XIRP2: variants seen among roughly 807,000 people sequenced by gnomAD.
XIRP2 encodes xin actin binding repeat containing 2.
In XIRP2, 236 loss-of-function variants were observed where a neutral mutation model predicts 277.0. The observed-to-expected ratio is 0.85, with a 90% confidence interval of 0.77 to 0.95. The LOEUF is 0.95. Among genes scored for constraint, XIRP2 ranks in the 40% least tolerant of loss-of-function variants. The probability of loss-of-function intolerance (pLI) is 0.00; values close to 1 mark genes in which losing one functional copy is unlikely to be tolerated. For synonymous variants in XIRP2, 1,490 were observed against 1,416.5 expected, an observed-to-expected ratio of 1.05 and a Z score of -1.17; for missense variants, 4,640 against 4,157.5, an observed-to-expected ratio of 1.12 and a Z score of -3.19.
Position 167,248,662 on chromosome 2 carries a change from T to C in XIRP2, c.7270T>C (p.Leu2424=), listed in dbSNP as rs777795158. 1 of 1,613,690 alleles carries C rather than the reference T, an allele frequency of 6.2e-7. No individual in the cohort carries two copies. The highest frequency in any genetic ancestry group is 1.1e-5 in the South Asian group (1 of 91,060). Residue 2424 remains leucine, a synonymous_variant, in exon 9 of 11, where the codon TTG becomes CTG. Coordinates refer to ENST00000409195, the MANE Select transcript of XIRP2 (RefSeq NM_152381.6). ...AACCGGTGTGTTGCCACCTCCCACA[T>C]TGCCCAAACCCAAACTTCCCAAGCA... ...GKTGVLPPPT[L]PKPKLPKHIK...
At chr2:167,051,398 T>C (rs12993836) in intron 2 of XIRP2, among the ~76,000 whole-genome samples, 29,144 of 152,118 alleles carry the variant, frequency 0.19, 2,984 homozygotes, top group Middle Eastern at 0.35. Context: ...AATAATACTA[T>C]TCAACAAATA....
chr2:166,939,186 T>A (rs2105378986), intron 2 of XIRP2, among the ~76,000 whole-genome samples: 1 of 152,338 alleles, frequency 6.6e-6, no homozygotes, highest in East Asian at 1.9e-4. Context: ...CTTCCTAGCA[T>A]CGATGGTCTT....
At position 167,214,153 on chromosome 2, in the gene XIRP2, A is replaced by G. The variant is rs1192926864; in HGVS notation, c.723+3258A>G. Among the ~76,000 whole-genome samples, 192 of 100,166 alleles carry G rather than the reference A, an allele frequency of 1.9e-3. 1 individual carries two copies. Among genetic ancestry groups the G allele is most frequent in the East Asian group, 2.4e-3 (8 of 3,334 alleles). The allele number at this position is 100,166 out of a possible 152,430, so 65.7% of individuals were successfully genotyped here. A position where few individuals can be genotyped will look rare whatever the true frequency, so the allele number is the denominator to read the frequency against. On this transcript the variant is annotated intron_variant, in intron 4 of 10. Coordinates refer to ENST00000409195, the MANE Select transcript of XIRP2 (RefSeq NM_152381.6). ...AGGAAGGAAGCAAAGAGAAAGAGAA[A>G]GAAGGAAAGAAAGAGAAAGAAGGAA...
chr2:166,953,281 C>T (rs993062313), intron 2 of XIRP2, among the ~76,000 whole-genome samples: 6 of 151,814 alleles, frequency 4.0e-5, no homozygotes, highest in African/African-American at 9.7e-5. Flanking sequence ...ATAATTCCCT[C>T]GTGTGGTGGG....
chr2:167,000,960 T>C (rs925115651), intron 2 of XIRP2, among the ~76,000 whole-genome samples: 1 of 152,150 alleles, frequency 6.6e-6, no homozygotes, highest in African/African-American at 2.4e-5. Flanking sequence ...GGCAGTAGGA[T>C]AGCTCGAGAC....
At chr2:167,065,396 T>C (rs1397051027) in intron 2 of XIRP2, among the ~76,000 whole-genome samples, 2 of 151,918 alleles carry the variant, frequency 1.3e-5, no homozygotes, top group African/African-American at 2.4e-5. Flanking sequence ...GAGTTCTTTA[T>C]ATATACTGGA....
chr2:166,916,766 T>C (rs1052498389), intron 2 of XIRP2, among the ~76,000 whole-genome samples: 1 of 152,182 alleles, frequency 6.6e-6, no homozygotes, highest in African/African-American at 2.4e-5. Flanking sequence ...ACTTAACATT[T>C]GATGACAAAA....
intron 2 of XIRP2, among the ~76,000 whole-genome samples, chr2:167,053,344 G>T (rs1406794123): frequency 6.6e-6 from 1 of 152,022 alleles, no homozygotes; most frequent in South Asian, 2.1e-4. Flanking sequence ...TCGATATATA[G>T]CTTAGTTCTT....
In XIRP2 at chr2:167,066,253, T is replaced by C. The variant is rs551955528; in HGVS notation, c.409-69656T>C. On this transcript the variant is annotated intron_variant, in intron 2 of 10. Transcript: ENST00000409195. Reference sequence around the variant, plus strand: ...CATTTTTCCCTTCTCCTTGTTGCTCTCAACCACCATTCTAGTTGCTGCTTC... The same window carrying C: ...CATTTTTCCCTTCTCCTTGTTGCTCCCAACCACCATTCTAGTTGCTGCTTC... Among the ~76,000 whole-genome samples the C allele has an allele frequency of 7.9e-5, 12 of 152,124 alleles. 1 individual carries two copies. The East Asian group carries it at 2.3e-3, about 29-fold the overall frequency.
Position 167,243,225 on chromosome 2 carries a change from T to C in XIRP2, c.1833T>C (p.Gly611=), listed in dbSNP as rs1695129875. The C allele has an allele frequency of 1.2e-6, 2 of 1,614,074 alleles. No homozygotes were observed. Among genetic ancestry groups the C allele is most frequent in the Non-Finnish European group, 1.7e-6 (2 of 1,179,986 alleles). ...TTGCTGATCAAGAAATCATTGCTGG[T>C]GGTGATGTGAAATATACCACATGGA... The part of the protein sequence containing the change: ...RGIADQEIIA[G]GDVKYTTWMF... Residue 611 remains glycine (G), a synonymous_variant, in exon 9 of 11, where the codon GGT becomes GGC. Coordinates refer to ENST00000409195, the MANE Select transcript of XIRP2 (RefSeq NM_152381.6).
At chr2:167,253,921 G>A in intron 9 of XIRP2, 111 bp from the exon 10 acceptor site, 2 of 1,256,372 alleles carry the variant, frequency 1.6e-6, no homozygotes, top group Non-Finnish European at 2.2e-6. Context: ...TAGTCTTAGA[G>A]CTTTTCTACT....
intron 2 of XIRP2, among the ~76,000 whole-genome samples, chr2:167,089,551 A>G (rs935825165): frequency 6.6e-6 from 1 of 152,194 alleles, no homozygotes; most frequent in African/African-American, 2.4e-5. Flanking sequence ...AATAAAATCC[A>G]TAATTTCTAC....
At chr2:167,084,898 G>A (rs1484433064) in intron 2 of XIRP2, among the ~76,000 whole-genome samples, 2 of 151,274 alleles carry the variant, frequency 1.3e-5, no homozygotes, top group Non-Finnish European at 1.5e-5. Context: ...ACCAGCTCCT[G>A]GATTCATTAA....
At chr2:167,080,368 G>T (rs1689697100) in intron 2 of XIRP2, among the ~76,000 whole-genome samples, 2 of 152,270 alleles carry the variant, frequency 1.3e-5, no homozygotes, top group South Asian at 4.1e-4. Context: ...CACTGTCCTG[G>T]AGAAAACATG....
intron 2 of XIRP2, among the ~76,000 whole-genome samples, chr2:167,027,281 T>C (rs925668632): frequency 2.0e-5 from 3 of 152,144 alleles, no homozygotes; most frequent in Non-Finnish European, 4.4e-5. Context: ...TACCCTTTCT[T>C]CCAGTTTATC....
rs1313992991 is a variant in XIRP2, at chr2:167,011,160, G to A, written c.408+107270G>A. 4.7e-5 allele frequency among the ~76,000 whole-genome samples: 7 copies of A among 149,772 alleles called. No homozygotes were observed. In the East Asian group the frequency reaches 1.4e-3, roughly 30 times the overall value. ...TCCCTGTCTTGTGCCAGTTTTCAAAGGGAATGCTTCCAGTTTTTGCCCATT... is the reference window on the plus strand; with the variant it reads ...TCCCTGTCTTGTGCCAGTTTTCAAAAGGAATGCTTCCAGTTTTTGCCCATT... On this transcript the variant is annotated intron_variant, in intron 2 of 10. Transcript: ENST00000409195.
chr2:167,099,664 G>T lies in XIRP2; in HGVS notation c.409-36245G>T, dbSNP rs1315497107. 2.0e-5 allele frequency among the ~76,000 whole-genome samples: 3 copies of T among 152,294 alleles called. No homozygotes were observed. In the East Asian group the frequency reaches 5.8e-4, roughly 30 times the overall value. ...GGCACCCGAGGGAATCTCCTGGTCT[G>T]TGGGTTGCACAGACCGTGGGAAAAG... On this transcript the variant is annotated intron_variant, in intron 2 of 10. Coordinates refer to ENST00000409195, the MANE Select transcript of XIRP2 (RefSeq NM_152381.6).
At chr2:166,980,339 ATC>A (rs1367722981) in intron 2 of XIRP2, among the ~76,000 whole-genome samples, 2 of 152,132 alleles carry the variant, frequency 1.3e-5, no homozygotes, top group African/African-American at 4.8e-5. Context: ...CATTCTGACC[ATC>A]TCTGTCTTTT....
At chr2:166,930,928 C>T (rs1685318119) in intron 2 of XIRP2, among the ~76,000 whole-genome samples, 1 of 152,028 alleles carries the variant, frequency 6.6e-6, no homozygotes, top group African/African-American at 2.4e-5. Flanking sequence ...CCTCAATTTC[C>T]TTAGTTTTTA....
Sources: allele counts gnomAD v4.1 joint callset (sites outside exome capture counted in the v4.1 genomes callset), GRCh38; gene constraint gnomAD v4.1.1; transcripts MANE v1.5; gene names NCBI Gene and HGNC (gene_info 2026-07-23, HGNC 2026-07-21).